Variants in PTBP2 observed in about 807,000 individuals in gnomAD.
The protein encoded by PTBP2 is polypyrimidine tract-binding protein 2.
Under a neutral mutation model 61.4 loss-of-function variants are expected in PTBP2, and 13 were observed. The observed-to-expected ratio is 0.21, with a 90% CI of 0.14 to 0.34. The LOEUF is 0.34. Ranked by LOEUF, PTBP2 falls within the 10% of genes least tolerant of loss-of-function variation. The probability of loss-of-function intolerance (pLI) is 1.00; values close to 1 mark genes in which losing one functional copy is unlikely to be tolerated. For missense variants in PTBP2, 405 were observed against 642.6 expected (o/e 0.63, Z 4.00); for synonymous variants, 215 against 218.5 (o/e 0.98, Z 0.14).
intron 2 of PTBP2, among the ~76,000 whole-genome samples, chr1:96,737,813 T>TA (rs1652436012): frequency 6.6e-6 from 1 of 152,238 alleles, no homozygotes; most frequent in African/African-American, 2.4e-5. Context: ...TATCAGTATT[T>TA]ATGTTTAAAT....
rs966900401 is a variant in PTBP2, at chr1:96,793,470, C to T, written c.904+8216C>T. 5.9e-5 allele frequency among the ~76,000 whole-genome samples: 9 copies of T among 151,982 alleles called. No homozygotes were observed. In the East Asian group the frequency reaches 7.7e-4, roughly 13 times the overall value. ...CTGCAAGCTCCGCCTCCTGGGTTCA[C>T]GCCATTCTGCCGCCTCAGCCTCCTG... On this transcript the variant is annotated intron_variant, in intron 8 of 13. Coordinates refer to ENST00000674951, the MANE Select transcript of PTBP2 (RefSeq NM_021190.4).
intron 3 of PTBP2, among the ~76,000 whole-genome samples, chr1:96,760,924 TA>T (rs1309429306): frequency 6.6e-6 from 1 of 152,194 alleles, no homozygotes; most frequent in Non-Finnish European, 1.5e-5. Context: ...GGAAAATGGA[TA>T]AATTGTGGTA....
intron 8 of PTBP2, among the ~76,000 whole-genome samples, chr1:96,800,164 T>C (rs1220685457): frequency 6.6e-6 from 1 of 152,190 alleles, no homozygotes; most frequent in East Asian, 1.9e-4. Context: ...ATAGATTATC[T>C]GACAGGGTGG....
chr1:96,757,616 A>C (rs577520892), intron 3 of PTBP2, among the ~76,000 whole-genome samples: 8 of 152,304 alleles, frequency 5.3e-5, no homozygotes, highest in Admixed American at 1.3e-4. Context: ...TTATAAAACT[A>C]TACCCAGTAA....
intron 2 of PTBP2, among the ~76,000 whole-genome samples, chr1:96,732,739 AG>A (rs1312364107): frequency 2.0e-5 from 3 of 152,222 alleles, no homozygotes; most frequent in Non-Finnish European, 4.4e-5. Context: ...ATTGGGAGAT[AG>A]GAGAAAGAGT....
intron 5 of PTBP2, 98 bp downstream of exon 5, chr1:96,770,949 T>C: frequency 1.0e-6 from 1 of 991,902 alleles, no homozygotes; most frequent in Non-Finnish European, 1.5e-6. Context: ...CAGATGTTCC[T>C]TATAGGCATT....
intron 8 of PTBP2, 137 bp from the exon 9 acceptor site, chr1:96,804,663 A>G (rs1261581725): frequency 6.1e-6 from 5 of 813,344 alleles, no homozygotes; most frequent in Non-Finnish European, 9.4e-6. Context: ...AAACACTATA[A>G]AAATTAACTT....
chr1:96,769,671 A>G (rs1346556655), intron 3 of PTBP2, 32 bp from the exon 4 acceptor site: 2 of 1,372,168 alleles, frequency 1.5e-6, no homozygotes, highest in Non-Finnish European at 1.9e-6. Context: ...TTTATTGTTG[A>G]TATATAAGGA....
At chr1:96,782,205 G>T (rs12037594) in intron 7 of PTBP2, among the ~76,000 whole-genome samples, 12,014 of 151,914 alleles carry the variant, frequency 0.079, 612 homozygotes, top group East Asian at 0.17. Context: ...AGTATATTGT[G>T]TCTTCTGGAA....
At chr1:96,808,135 A>G (rs1051420030) in intron 11 of PTBP2, among the ~76,000 whole-genome samples, 1 of 152,128 alleles carries the variant, frequency 6.6e-6, no homozygotes, top group African/African-American at 2.4e-5. Flanking sequence ...CTGTGGTAGA[A>G]TTACCTCAGA....
chr1:96,745,390 A>G (rs1653616814), intron 2 of PTBP2, among the ~76,000 whole-genome samples: 1 of 151,858 alleles, frequency 6.6e-6, no homozygotes. Context: ...TTTTGATCTC[A>G]TGACCTCGTG....
intron 5 of PTBP2, among the ~76,000 whole-genome samples, chr1:96,772,690 C>A (rs1040470307): frequency 2.0e-5 from 3 of 152,140 alleles, no homozygotes; most frequent in Non-Finnish European, 4.4e-5. Context: ...CTTTGTTTGA[C>A]TTATTCACTT....
chr1:96,813,166 T>C, intron 13 of PTBP2, 60 bp downstream of exon 13: 1 of 1,545,434 alleles, frequency 6.5e-7, no homozygotes, highest in Non-Finnish European at 8.8e-7. Context: ...GTAGTTTTTG[T>C]TCTTTTCGTT....
At position 96,723,626 on chromosome 1, in the gene PTBP2, G is replaced by A. The variant is rs779500304; in HGVS notation, c.39+32G>A. 3.9e-6 allele frequency: 6 copies of A among 1,542,408 alleles called. No individual in the cohort carries two copies. In the Admixed American group the frequency reaches 8.5e-5, roughly 22 times the overall value. On this transcript the variant is annotated intron_variant, in intron 2 of 13. Coordinates refer to ENST00000674951, the MANE Select transcript of PTBP2 (RefSeq NM_021190.4). The stretch of plus-strand genomic sequence containing the variant: ...AAATACTATGTTTGAAACTGGGATT[G>A]TTGGATCTATTATCATAATTACTGG...
chr1:96,725,163 A>G (rs184349951), intron 2 of PTBP2, among the ~76,000 whole-genome samples: 12 of 152,360 alleles, frequency 7.9e-5, no homozygotes, highest in African/African-American at 2.2e-4. Context: ...TTGTAAAAGA[A>G]TAAATGATAC....
intron 2 of PTBP2, among the ~76,000 whole-genome samples, chr1:96,735,617 T>C (rs1179441056): frequency 4.6e-5 from 7 of 152,160 alleles, no homozygotes; most frequent in African/African-American, 1.7e-4. Context: ...AATTAATTTC[T>C]AAGAGGTCCT....
chr1:96,793,230 T>C (rs1354028685), intron 8 of PTBP2, among the ~76,000 whole-genome samples: 1 of 152,212 alleles, frequency 6.6e-6, no homozygotes, highest in South Asian at 2.1e-4. Context: ...TTGACTTCTT[T>C]GGATTATTGA....
chr1:96,739,537 G>C (rs1004391982), intron 2 of PTBP2, among the ~76,000 whole-genome samples: 2 of 150,000 alleles, frequency 1.3e-5, no homozygotes, highest in Non-Finnish European at 3.0e-5. Flanking sequence ...CCTCACATAA[G>C]TGGAATTATA....
chr1:96,776,988 A>G (rs1418402564), intron 5 of PTBP2, among the ~76,000 whole-genome samples: 4 of 152,066 alleles, frequency 2.6e-5, no homozygotes, highest in Non-Finnish European at 5.9e-5. Context: ...AATGTATGGG[A>G]AATATTCTTC....
Sources: allele counts gnomAD v4.1 joint callset (sites outside exome capture counted in the v4.1 genomes callset), GRCh38; gene constraint gnomAD v4.1.1; transcripts MANE v1.5; gene names NCBI Gene and HGNC (gene_info 2026-07-23, HGNC 2026-07-21).